FAR2: variants seen among roughly 807,000 people sequenced by gnomAD.
FAR2 encodes fatty acyl-CoA reductase 2.
In FAR2, 19 loss-of-function variants were observed where a neutral mutation model predicts 56.0. The observed-to-expected ratio is 0.34, with a 90% CI of 0.24 to 0.50. The LOEUF is 0.50. Ranked by LOEUF, FAR2 falls within the 20% of genes least tolerant of loss-of-function variation. The probability of loss-of-function intolerance (pLI) is 0.98; values close to 1 mark genes in which losing one functional copy is unlikely to be tolerated. For synonymous variants in FAR2, 219 were observed against 218.8 expected (o/e 1.00, Z -0.01); for missense variants, 508 against 642.2 (o/e 0.79, Z 2.26).
At chr12:29,326,712 C>G (rs1167919256) in intron 10 of FAR2, among the ~76,000 whole-genome samples, 2 of 152,150 alleles carry the variant, frequency 1.3e-5, no homozygotes, top group African/African-American at 4.8e-5. Flanking sequence ...ACACTTCATG[C>G]TAAAAACTCT....
chr12:29,232,139 T>G (rs1456552837), intron 1 of FAR2, among the ~76,000 whole-genome samples: 1 of 152,170 alleles, frequency 6.6e-6, no homozygotes, highest in Non-Finnish European at 1.5e-5. Context: ...AAGACTGAAC[T>G]ATTTGGTAGC....
In FAR2 at chr12:29,217,042, G is replaced by T. The variant is rs542997774; in HGVS notation, c.-38-53370G>T. Among the ~76,000 whole-genome samples, 165 of 152,204 alleles carry T rather than the reference G, an allele frequency of 1.1e-3. 4 individuals are homozygous for T. The South Asian group carries it at 0.034, about 31-fold the overall frequency. On this transcript the variant is annotated intron_variant, in intron 1 of 11. Coordinates refer to ENST00000536681, the MANE Select transcript of FAR2 (RefSeq NM_001271783.2). ...AAATGACACATTTAAAAAATATTTTGGCTCTTTAGTATAACTTACCCCTAC... is the reference window on the plus strand; with the variant it reads ...AAATGACACATTTAAAAAATATTTTTGCTCTTTAGTATAACTTACCCCTAC...
intron 1 of FAR2, among the ~76,000 whole-genome samples, chr12:29,164,079 T>C (rs1485284017): frequency 6.6e-6 from 1 of 152,204 alleles, no homozygotes; most frequent in Non-Finnish European, 1.5e-5. Context: ...TGAGTTCGTG[T>C]GTGTTACCTG....
chr12:29,184,719 G>A (rs1950023796), intron 1 of FAR2, among the ~76,000 whole-genome samples: 1 of 152,132 alleles, frequency 6.6e-6, no homozygotes, highest in Non-Finnish European at 1.5e-5. Flanking sequence ...TTACAGGCGT[G>A]AGCCACTGAG....
chr12:29,279,395 G>C (rs1948750921), intron 2 of FAR2, among the ~76,000 whole-genome samples: 1 of 152,108 alleles, frequency 6.6e-6, no homozygotes, highest in Non-Finnish European at 1.5e-5. Context: ...TCTTTCAATA[G>C]GTCATCCTCT....
intron 9 of FAR2, 46 bp from the exon 10 acceptor site, chr12:29,321,749 G>A: frequency 2.5e-6 from 4 of 1,601,198 alleles, no homozygotes; most frequent in Non-Finnish European, 3.4e-6. Context: ...TAGAGTGACA[G>A]GGAAGTGGTG....
chr12:29,272,188 G>T (rs144900460), intron 2 of FAR2, among the ~76,000 whole-genome samples: 8,437 of 152,276 alleles, frequency 0.055, 562 homozygotes, highest in African/African-American at 0.16. Context: ...GTCTTGCTAG[G>T]TTGGGGAGGT....
intron 4 of FAR2, among the ~76,000 whole-genome samples, chr12:29,299,584 T>C (rs1430675674): frequency 1.3e-5 from 2 of 152,250 alleles, no homozygotes; most frequent in Non-Finnish European, 2.9e-5. Flanking sequence ...GAAATTATTT[T>C]ATCTCAACAG....
At chr12:29,262,996 C>T (rs12830906) in intron 1 of FAR2, among the ~76,000 whole-genome samples, 20,705 of 151,988 alleles carry the variant, frequency 0.14, 1,539 homozygotes, top group Middle Eastern at 0.28. Context: ...ACACTTATAG[C>T]TATATTTATA....
chr12:29,169,302 T>G (rs1180504291), intron 1 of FAR2, among the ~76,000 whole-genome samples: 2 of 152,094 alleles, frequency 1.3e-5, no homozygotes, highest in Non-Finnish European at 2.9e-5. Flanking sequence ...TTTAGGCCAG[T>G]GAAAGGGTCA....
chr12:29,267,711 T>C (rs1948542248), intron 1 of FAR2, among the ~76,000 whole-genome samples: 1 of 152,212 alleles, frequency 6.6e-6, no homozygotes, highest in Non-Finnish European at 1.5e-5. Context: ...AAAGTGTTCT[T>C]CATAGTATTT....
intron 1 of FAR2, among the ~76,000 whole-genome samples, chr12:29,174,423 C>CTTTTTTTTTTTTTTTTTTTTTT (rs55827253): frequency 3.6e-5 from 2 of 55,434 alleles, no homozygotes; most frequent in African/African-American, 8.2e-5. Context: ...GGTTTTTATT[C>CTTTTTTTTTTTTTTTTTTTTTT]TTTTTTTTTT....
chr12:29,159,527 A>AG (rs989978799), intron 1 of FAR2, among the ~76,000 whole-genome samples: 1 of 151,638 alleles, frequency 6.6e-6, no homozygotes, highest in Non-Finnish European at 1.5e-5. Context: ...CTCGGAAAAA[A>AG]AAAAAAAAGA....
intron 4 of FAR2, among the ~76,000 whole-genome samples, chr12:29,307,457 T>C (rs1021671279): frequency 5.9e-5 from 9 of 151,516 alleles, no homozygotes; most frequent in Non-Finnish European, 1.2e-4. Context: ...GGGCATAGGA[T>C]AAGATTGGGC....
intron 2 of FAR2, among the ~76,000 whole-genome samples, chr12:29,275,326 T>C (rs1223152812): frequency 6.6e-6 from 1 of 152,000 alleles, no homozygotes; most frequent in African/African-American, 2.4e-5. Flanking sequence ...CAAGACGATG[T>C]CATCAGTTAA....
chr12:29,233,040 C>T (rs1389105902), intron 1 of FAR2, among the ~76,000 whole-genome samples: 2 of 152,168 alleles, frequency 1.3e-5, no homozygotes, highest in Admixed American at 6.5e-5. Context: ...GCTCCAGTCT[C>T]TTGCCCCTGT....
intron 1 of FAR2, among the ~76,000 whole-genome samples, chr12:29,163,047 G>A (rs1430613312): frequency 6.6e-6 from 1 of 152,218 alleles, no homozygotes; most frequent in African/African-American, 2.4e-5. Context: ...AATAGAGGCT[G>A]TGAGAGTTTG....
At chr12:29,285,684 G>A (rs1261087762) in intron 2 of FAR2, among the ~76,000 whole-genome samples, 2 of 152,186 alleles carry the variant, frequency 1.3e-5, no homozygotes, top group Non-Finnish European at 2.9e-5. Flanking sequence ...ACTTTGGGAG[G>A]TCGAGGCAGA....
At chr12:29,220,372 T>C (rs973930686) in intron 1 of FAR2, among the ~76,000 whole-genome samples, 1 of 152,334 alleles carries the variant, frequency 6.6e-6, no homozygotes, top group East Asian at 1.9e-4. Flanking sequence ...GTTAATGTCT[T>C]TGAGCATATA....
Sources: allele counts gnomAD v4.1 joint callset (sites outside exome capture counted in the v4.1 genomes callset), GRCh38; gene constraint gnomAD v4.1.1; transcripts MANE v1.5; gene names NCBI Gene and HGNC (gene_info 2026-07-23, HGNC 2026-07-21).